VWC2L: variants seen among roughly 807,000 people sequenced by gnomAD.
The protein encoded by VWC2L is von Willebrand factor C domain containing 2 like.
Under a neutral mutation model 21.6 loss-of-function variants are expected in VWC2L, and 10 were observed. The observed-to-expected ratio is 0.46, with a 90% CI of 0.29 to 0.78. VWC2L has a LOEUF of 0.78. Among genes scored for constraint, VWC2L ranks in the 30% least tolerant of loss-of-function variants. The pLI, the probability that VWC2L is intolerant of heterozygous loss-of-function variation, is 0.10. For synonymous variants in VWC2L, 96 were observed against 94.3 expected, an observed-to-expected ratio of 1.02 and a Z score of -0.10; for missense variants, 209 against 277.1, an observed-to-expected ratio of 0.75 and a Z score of 1.74.
intron 2 of VWC2L, among the ~76,000 whole-genome samples, chr2:214,416,472 T>C (rs969278025): frequency 6.6e-6 from 1 of 152,066 alleles, no homozygotes; most frequent in East Asian, 1.9e-4. Context: ...TTTAAAATAA[T>C]AGATATCACT....
intron 3 of VWC2L, among the ~76,000 whole-genome samples, chr2:214,557,767 C>A (rs965458889): frequency 2.0e-5 from 3 of 152,120 alleles, no homozygotes; most frequent in Non-Finnish European, 4.4e-5. Context: ...TAGAAGAGGG[C>A]CCTCACGTCC....
chr2:214,504,368 G>A (rs1443424424), intron 3 of VWC2L, among the ~76,000 whole-genome samples: 5 of 152,196 alleles, frequency 3.3e-5, no homozygotes, highest in Middle Eastern at 3.2e-3. Context: ...CCATGTCTAA[G>A]TGTTTAGAGT....
intron 3 of VWC2L, among the ~76,000 whole-genome samples, chr2:214,548,619 C>T (rs1689746397): frequency 6.6e-6 from 1 of 152,164 alleles, no homozygotes; most frequent in South Asian, 2.1e-4. Context: ...ATGCTTTAGT[C>T]AAATCCAACC....
At chr2:214,518,806 T>G (rs1174088674) in intron 3 of VWC2L, among the ~76,000 whole-genome samples, 1 of 152,182 alleles carries the variant, frequency 6.6e-6, no homozygotes, top group African/African-American at 2.4e-5. Flanking sequence ...AATGAGATAA[T>G]TTAGATTAAA....
At chr2:214,571,272 G>T (rs910380268) in intron 3 of VWC2L, among the ~76,000 whole-genome samples, 2 of 152,174 alleles carry the variant, frequency 1.3e-5, no homozygotes, top group African/African-American at 4.8e-5. Flanking sequence ...ATTTCAGAGA[G>T]ATATGAATTC....
chr2:214,515,982 C>G (rs1024392238), intron 3 of VWC2L, among the ~76,000 whole-genome samples: 2 of 152,114 alleles, frequency 1.3e-5, no homozygotes, highest in Non-Finnish European at 2.9e-5. Context: ...TGCTTGACAC[C>G]TCTAAGAATG....
intron 2 of VWC2L, among the ~76,000 whole-genome samples, chr2:214,426,777 G>GA (rs1702529581): frequency 1.3e-5 from 2 of 152,238 alleles, no homozygotes; most frequent in Non-Finnish European, 2.9e-5. Context: ...GGTAGAGATA[G>GA]TGTAGTTTTC....
intron 2 of VWC2L, among the ~76,000 whole-genome samples, chr2:214,431,070 A>G (rs1702594795): frequency 6.6e-6 from 1 of 152,206 alleles, no homozygotes; most frequent in Non-Finnish European, 1.5e-5. Flanking sequence ...GTTAAAACCC[A>G]TTGGATCAGT....
chr2:214,456,176 T>C (rs1349437800), intron 3 of VWC2L, among the ~76,000 whole-genome samples: 1 of 151,536 alleles, frequency 6.6e-6, no homozygotes, highest in East Asian at 1.9e-4. Context: ...AAGCTTCCTT[T>C]TTCTCTTCAT....
At chr2:214,538,178 G>C (rs1490946907) in intron 3 of VWC2L, among the ~76,000 whole-genome samples, 1 of 152,080 alleles carries the variant, frequency 6.6e-6, no homozygotes, top group Non-Finnish European at 1.5e-5. Flanking sequence ...CTGAGAGACA[G>C]ACTGAGCACT....
chr2:214,558,960 C>A (rs1689919862), intron 3 of VWC2L, among the ~76,000 whole-genome samples: 1 of 151,624 alleles, frequency 6.6e-6, no homozygotes, highest in Non-Finnish European at 1.5e-5. Flanking sequence ...CATGCTGGTG[C>A]ACTGCACCCA....
chr2:214,423,154 A>T (rs1702469172), intron 2 of VWC2L, among the ~76,000 whole-genome samples: 3 of 152,206 alleles, frequency 2.0e-5, no homozygotes, highest in Non-Finnish European at 2.9e-5. Context: ...CCATTGTTAC[A>T]TCTTGGTTTG....
intron 3 of VWC2L, among the ~76,000 whole-genome samples, chr2:214,507,471 T>A (rs1210985601): frequency 1.3e-5 from 2 of 152,148 alleles, no homozygotes; most frequent in African/African-American, 2.4e-5. Flanking sequence ...TAAACGGGAA[T>A]AACGCTCTCC....
At chr2:214,415,635 T>G (rs911389232) in intron 2 of VWC2L, among the ~76,000 whole-genome samples, 4 of 152,114 alleles carry the variant, frequency 2.6e-5, no homozygotes, top group African/African-American at 9.7e-5. Context: ...AAAAAAGGTC[T>G]CAACTGATCA....
At chr2:214,465,586 G>C (rs997981500) in intron 3 of VWC2L, among the ~76,000 whole-genome samples, 15 of 152,172 alleles carry the variant, frequency 9.9e-5, no homozygotes, top group Non-Finnish European at 1.5e-4. Context: ...GAGCTGCTCT[G>C]TCTGGGTGAT....
rs1011845337 is a variant in VWC2L at position 214,411,382 on chromosome 2, G to T, written c.-485G>T. 1.3e-5 allele frequency: 2 copies of T among 152,146 alleles called. No individual in the cohort carries two copies. Among genetic ancestry groups the T allele is most frequent in the African/African-American group, 4.8e-5 (2 of 41,426 alleles). 9.4% of individuals were successfully genotyped at this position (152,146 alleles called of 1,614,324 possible). A position where few individuals can be genotyped will look rare whatever the true frequency, so the allele number is the denominator to read the frequency against. ...GCCTAGCCAAATCACCTCTACTGCC[G>T]TAGCAAACACTGTGTAAGTGAACTC... On this transcript the variant is annotated 5_prime_UTR_variant, in exon 1 of 4. Transcript: ENST00000312504.
At chr2:214,480,124 T>C (rs564422294) in intron 3 of VWC2L, among the ~76,000 whole-genome samples, 1 of 152,326 alleles carries the variant, frequency 6.6e-6, no homozygotes, top group East Asian at 1.9e-4. Flanking sequence ...ATATTACGTA[T>C]ACCATTTCAC....
intron 3 of VWC2L, among the ~76,000 whole-genome samples, chr2:214,574,316 T>C (rs1690196474): frequency 6.6e-6 from 1 of 152,170 alleles, no homozygotes; most frequent in African/African-American, 2.4e-5. Flanking sequence ...GCATAGGAAC[T>C]CCACCACTGG....
At chr2:214,424,023 C>A (rs753617756) in intron 2 of VWC2L, among the ~76,000 whole-genome samples, 15 of 151,974 alleles carry the variant, frequency 9.9e-5, no homozygotes, top group South Asian at 2.1e-4. Context: ...ACAACAACAA[C>A]AAAAATCTCT....
Sources: gnomAD v4.1 joint callset for allele counts (sites outside exome capture counted in the v4.1 genomes callset) on GRCh38, gnomAD v4.1.1 for gene constraint, MANE v1.5 for transcripts, NCBI Gene and HGNC (gene_info 2026-07-23, HGNC 2026-07-21) for gene names.